FRYL: variants seen among roughly 807,000 people sequenced by gnomAD.
FRYL encodes protein furry homolog-like.
A neutral mutation model predicts 351.2 loss-of-function variants in FRYL; 150 were observed. The ratio of observed to expected loss-of-function variants is 0.43; its 90% CI spans 0.37 to 0.49. FRYL has a LOEUF of 0.49. FRYL is among the 20% of genes least tolerant of loss of function. FRYL has a pLI of 0.00. For missense variants in FRYL, 3,036 were observed against 3,619.3 expected (o/e 0.84, Z 4.13); for synonymous variants, 1,153 against 1,257.1 (o/e 0.92, Z 1.75).
Position 48,521,176 on chromosome 4 carries a change from G to A in FRYL, c.7561C>T (p.His2521Tyr). The part of the protein sequence containing the change: ...DSATDETIPD[H>Y]PDLLLQSEDS... ...TCAGACTGGAGAAGTAAGTCAGGATGGTCTGGTATTGTTTCATCAGTGGCA... is the reference window on the plus strand; with the variant it reads ...TCAGACTGGAGAAGTAAGTCAGGATAGTCTGGTATTGTTTCATCAGTGGCA... The change falls in exon 55 of 64, where the codon CAT (histidine) becomes TAT (tyrosine). Residue 2521 changes from histidine to tyrosine, a missense_variant. Physicochemically the swap from His to Tyr is moderately conservative, Grantham distance 83 (BLOSUM62 2). Transcript: ENST00000358350. The A allele has an allele frequency of 6.2e-7, 1 of 1,612,390 alleles. No homozygotes were observed. The highest frequency in any genetic ancestry group is 1.3e-5 in the African/African-American group (1 of 74,988).
At chr4:48,678,930 A>G (rs1320697813) in intron 3 of FRYL, among the ~76,000 whole-genome samples, 1 of 152,170 alleles carries the variant, frequency 6.6e-6, no homozygotes, top group Non-Finnish European at 1.5e-5. Context: ...GCTGTATTTA[A>G]GAGTATAAGA....
rs867612543 is a variant in FRYL at position 48,683,839 on chromosome 4, T to C, written c.-81+834A>G. 3.9e-5 allele frequency among the ~76,000 whole-genome samples: 6 copies of C among 152,326 alleles called. No individual in the cohort carries two copies. In the Middle Eastern group the frequency reaches 0.014, roughly 345 times the overall value. On this transcript the variant is annotated intron_variant, in intron 3 of 63. Coordinates refer to ENST00000358350, the MANE Select transcript of FRYL (RefSeq NM_015030.2). The stretch of plus-strand genomic sequence containing the variant: ...GAATGGTAAACTGCATGCCTTAATA[T>C]GCCTAAAACTCATTCCTTTCTCCCC...
At position 48,499,366 on chromosome 4, in the gene FRYL, G is replaced by C; in HGVS notation, c.*56C>G. On this transcript the variant is annotated 3_prime_UTR_variant, in exon 64 of 64. Coordinates refer to ENST00000358350, the MANE Select transcript of FRYL (RefSeq NM_015030.2). ...ATGCAAGGGTCCATAAAAGGTGCTT[G>C]GTTAATATTCTTCATCATCTTCAGT... is the stretch of plus-strand genomic sequence containing the variant. 1 of 1,529,846 alleles carries C rather than the reference G, an allele frequency of 6.5e-7. No individual in the cohort carries two copies. Among genetic ancestry groups the C allele is most frequent in the Non-Finnish European group, 9.0e-7 (1 of 1,108,156 alleles). The allele number at this position is 1,529,846 out of a possible 1,614,324, so 94.8% of individuals were successfully genotyped here.
chr4:48,605,837 A>G lies in FRYL; in HGVS notation c.742-4T>C. ...CTAAGAAATACTGAGCACATTCCTT[A>G]AAGGGAAAGAGGTATATACTTAGAT... On this transcript the variant is annotated splice_polypyrimidine_tract_variant and splice_region_variant and intron_variant, in intron 10 of 63. Coordinates refer to ENST00000358350, the MANE Select transcript of FRYL (RefSeq NM_015030.2). 1 of 1,511,400 alleles carries G rather than the reference A, an allele frequency of 6.6e-7. No individual in the cohort carries two copies. The highest frequency in any genetic ancestry group is 1.1e-5 in the South Asian group (1 of 87,318). 93.6% of individuals were successfully genotyped at this position (1,511,400 alleles called of 1,614,324 possible).
In FRYL at chr4:48,752,111, C is replaced by G. The variant is rs1471645489; in HGVS notation, c.-384+27967G>C. ...GGCAAATAGTGAATGTGAATATGGA[C>G]TATATACTGGACAATAGTATTATAT... On this transcript the variant is annotated intron_variant, in intron 1 of 63. Coordinates refer to ENST00000358350, the MANE Select transcript of FRYL (RefSeq NM_015030.2). 2.0e-5 allele frequency among the ~76,000 whole-genome samples: 3 copies of G among 152,134 alleles called. No homozygotes were observed. The East Asian group carries it at 5.8e-4, about 29-fold the overall frequency.
At position 48,590,020 on chromosome 4, in the gene FRYL, CTGA is replaced by C. The variant is rs1482085722; in HGVS notation, c.1508-146_1508-144del. Reference sequence around the variant, plus strand: ...TTTCAACTGTGACATATTCTTCTCCCTGATGATCAGCTTCAGTATATTGGACTA... The same window carrying C: ...TTTCAACTGTGACATATTCTTCTCCCTGATCAGCTTCAGTATATTGGACTA... On this transcript the variant is annotated intron_variant, in intron 17 of 63. Coordinates refer to ENST00000358350, the MANE Select transcript of FRYL (RefSeq NM_015030.2). 2.8e-5 allele frequency: 19 copies of C among 673,678 alleles called. No homozygotes were observed. In the Admixed American group the frequency reaches 4.8e-4, roughly 17 times the overall value. 41.7% of individuals were successfully genotyped at this position (673,678 alleles called of 1,614,324 possible).
intron 22 of FRYL, chr4:48,580,519 C>T (rs765856995): frequency 3.5e-4 from 82 of 236,514 alleles, no homozygotes; most frequent in Non-Finnish European, 5.9e-4. Context: ...ATTTTTTTCC[C>T]GTAGCATTTT....
rs1270767361 is a variant in FRYL, at chr4:48,596,012, C to T, written c.1036-12G>A. On this transcript the variant is annotated splice_polypyrimidine_tract_variant and intron_variant, in intron 13 of 63. Coordinates refer to ENST00000358350, the MANE Select transcript of FRYL (RefSeq NM_015030.2). ...TTCGGATCTTTATTCTGTTTTAAAACAAAAGAGAATAAACTTATTATAATA... is the reference window on the plus strand; with the variant it reads ...TTCGGATCTTTATTCTGTTTTAAAATAAAAGAGAATAAACTTATTATAATA... 6.5e-7 allele frequency: 1 copy of T among 1,527,282 alleles called. No individual in the cohort carries two copies. The highest frequency in any genetic ancestry group is 1.4e-5 in the African/African-American group (1 of 72,342). 94.6% of individuals were successfully genotyped at this position (1,527,282 alleles called of 1,614,324 possible).
intron 7 of FRYL, among the ~76,000 whole-genome samples, chr4:48,614,215 C>T (rs191891143): frequency 6.6e-6 from 1 of 151,810 alleles, no homozygotes; most frequent in African/African-American, 2.4e-5. Context: ...CCTATTTCTC[C>T]CCTTATTTTC....
Position 48,521,142 on chromosome 4 carries a change from G to T in FRYL, c.7595C>A (p.Thr2532Asn), listed in dbSNP as rs1309603642. ...PDLLLQSEDSTGSITTEEVLQ... is the reference protein window; with the variant it reads ...PDLLLQSEDSNGSITTEEVLQ... ...CACTTCCTCTGTTGTGATGCTGCCA[G>T]TGGAATCTTCAGACTGGAGAAGTAA... The change falls in exon 55 of 64, where the codon ACT becomes AAT. Residue 2532 changes from threonine (T) to asparagine (N), a missense_variant. By Grantham distance (65) the Thr-to-Asn change is moderately conservative. This residue lies in a region of FRYL where 1,987 missense variants were observed against 2,311.7 expected (regional missense o/e 0.86). Transcript: ENST00000358350. 2 of 1,613,614 alleles carry T rather than the reference G, an allele frequency of 1.2e-6. No homozygotes were observed. Among genetic ancestry groups the T allele is most frequent in the Admixed American group, 1.7e-5 (1 of 60,008 alleles).
chr4:48,587,431 A>G (rs903655223), intron 18 of FRYL, among the ~76,000 whole-genome samples: 1 of 152,110 alleles, frequency 6.6e-6, no homozygotes, highest in Non-Finnish European at 1.5e-5. Context: ...CTGTATTTGA[A>G]GGTGAGGCCT....
chr4:48,675,737 C>T (rs1224788169), intron 3 of FRYL, among the ~76,000 whole-genome samples: 7 of 152,352 alleles, frequency 4.6e-5, no homozygotes, highest in Non-Finnish European at 7.4e-5. Flanking sequence ...GTGCACAGCA[C>T]GGGACTGGCA....
At chr4:48,649,602 T>A (rs2149424547) in intron 3 of FRYL, among the ~76,000 whole-genome samples, 1 of 152,318 alleles carries the variant, frequency 6.6e-6, no homozygotes, top group Middle Eastern at 3.4e-3. Flanking sequence ...TTTTAAATGA[T>A]AACATCCTCA....
intron 60 of FRYL, among the ~76,000 whole-genome samples, chr4:48,505,164 T>G (rs1406410982): frequency 6.6e-6 from 1 of 152,164 alleles, no homozygotes; most frequent in Non-Finnish European, 1.5e-5. Flanking sequence ...CATGGATATA[T>G]TATATCACAT....
chr4:48,620,961 T>G (rs779638665), intron 5 of FRYL, among the ~76,000 whole-genome samples, 183 bp from the exon 6 acceptor site: 2 of 152,226 alleles, frequency 1.3e-5, no homozygotes, highest in Non-Finnish European at 2.9e-5. Flanking sequence ...TTTCACCCAC[T>G]ATTAAACTTT....
chr4:48,564,026 G>A lies in FRYL; in HGVS notation c.3518C>T (p.Ala1173Val), dbSNP rs751995080. Residue 1173 changes from alanine (A) to valine (V), a missense_variant, in exon 31 of 64, where the codon GCT becomes GTT. Coordinates refer to ENST00000358350, the MANE Select transcript of FRYL (RefSeq NM_015030.2). ...GGAGCCCGTGTAGCAGCGGTCCACA[G>A]CCCAGTACATCAGGTTGCTCTGATC... is the stretch of plus-strand genomic sequence containing the variant. ...NPDQSNLMYW[A>V]VDRCYTGSGR... is the part of the protein sequence containing the mutation. The A allele has an allele frequency of 3.1e-6, 5 of 1,614,180 alleles. No individual in the cohort carries two copies. In the South Asian group the frequency reaches 4.4e-5, roughly 14 times the overall value.
intron 62 of FRYL, 106 bp downstream of exon 62, chr4:48,501,517 C>T: frequency 4.3e-6 from 3 of 694,036 alleles, no homozygotes; most frequent in Non-Finnish European, 7.6e-6. Flanking sequence ...AGAAAAAAGA[C>T]TCACTCTAAG....
chr4:48,633,535 T>C (rs774672093), intron 4 of FRYL, among the ~76,000 whole-genome samples: 1 of 152,112 alleles, frequency 6.6e-6, no homozygotes, highest in Non-Finnish European at 1.5e-5. Flanking sequence ...AAACGAAAAA[T>C]TATTTTATCC....
Position 48,619,254 on chromosome 4 carries a change from G to A in FRYL, c.411+20C>T, listed in dbSNP as rs376567505. The A allele has an allele frequency of 4.7e-6, 7 of 1,474,394 alleles. No individual in the cohort carries two copies. The highest frequency in any genetic ancestry group is 3.4e-4 in the Middle Eastern group (2 of 5,804). 91.3% of individuals were successfully genotyped at this position (1,474,394 alleles called of 1,614,324 possible). The stretch of plus-strand genomic sequence containing the variant: ...GCAAAGAATAAGGAATACAGACTTT[G>A]CAGAAATAAAAGAGCTTACCTGCTT... On this transcript the variant is annotated intron_variant, in intron 7 of 63. Coordinates refer to ENST00000358350, the MANE Select transcript of FRYL (RefSeq NM_015030.2).
Sources: gnomAD v4.1 joint callset for allele counts (sites outside exome capture counted in the v4.1 genomes callset) on GRCh38, gnomAD v4.1.1 for gene constraint, gnomAD v4.1.1 regional missense constraint, MANE v1.5 for transcripts, NCBI Gene and HGNC (gene_info 2026-07-23, HGNC 2026-07-21) for gene names.